The following ADAMTS6 variants were observed in gnomAD, a reference collection of about 807,000 sequenced individuals.
The protein encoded by ADAMTS6 is A disintegrin and metalloproteinase with thrombospondin motifs 6.
Under a neutral mutation model 144.3 loss-of-function variants are expected in ADAMTS6, and 23 were observed. The observed-to-expected ratio is 0.16, with a 90% CI of 0.11 to 0.23. ADAMTS6 has a LOEUF of 0.23. ADAMTS6 is among the 10% of genes least tolerant of loss of function. The probability of loss-of-function intolerance (pLI) is 1.00; values close to 1 mark genes in which losing one functional copy is unlikely to be tolerated. For synonymous variants in ADAMTS6, 444 were observed against 457.5 expected (o/e 0.97, Z 0.38); for missense variants, 999 against 1,379.6 (o/e 0.72, Z 4.37).
chr5:65,152,999 TACAG>T (rs1163623823), intron 24 of ADAMTS6, among the ~76,000 whole-genome samples: 3 of 152,308 alleles, frequency 2.0e-5, no homozygotes, highest in East Asian at 1.9e-4. Flanking sequence ...TGTTCAGTGT[TACAG>T]ACAGTTTTTG....
chr5:65,425,951 G>A (rs1218276449), intron 7 of ADAMTS6, among the ~76,000 whole-genome samples: 2 of 151,230 alleles, frequency 1.3e-5, no homozygotes, highest in Non-Finnish European at 2.9e-5. Flanking sequence ...TTTTAGTAGA[G>A]ACGGGATTTC....
chr5:65,215,332 T>C lies in ADAMTS6; in HGVS notation c.2428A>G (p.Ile810Val), dbSNP rs770059485. Reference sequence around the variant, plus strand: ...GGCAAAGACGCATTTACCATGACGATGAGATTTTCTGAGGTAGGACCTAGA... The same window carrying C: ...GGCAAAGACGCATTTACCATGACGACGAGATTTTCTGAGGTAGGACCTAGA... ...EALGPTSENL[I>V]VMVLLQEQNL... The change falls in exon 19 of 25, where the codon ATC becomes GTC. Residue 810 changes from isoleucine to valine, a missense_variant. By Grantham distance (29) the Ile-to-Val change is conservative. This residue lies in a region of ADAMTS6 where 619 missense variants were observed against 837.0 expected (regional missense o/e 0.74). Coordinates refer to ENST00000381055, the MANE Select transcript of ADAMTS6 (RefSeq NM_197941.4). 9 of 1,600,692 alleles carry C rather than the reference T, an allele frequency of 5.6e-6. No homozygotes were observed. The Admixed American group carries it at 1.3e-4, about 24-fold the overall frequency.
chr5:65,312,761 A>T (rs1234743554), intron 9 of ADAMTS6, among the ~76,000 whole-genome samples: 1 of 152,008 alleles, frequency 6.6e-6, no homozygotes, highest in Non-Finnish European at 1.5e-5. Context: ...TTCTGCTACT[A>T]CTTTACACAT....
At chr5:65,186,460 C>A (rs1252604309) in intron 22 of ADAMTS6, among the ~76,000 whole-genome samples, 1 of 152,170 alleles carries the variant, frequency 6.6e-6, no homozygotes, top group Non-Finnish European at 1.5e-5. Context: ...CTCAAACTTA[C>A]TGACTTGACC....
chr5:65,265,374 T>C (rs993724859), intron 12 of ADAMTS6, among the ~76,000 whole-genome samples: 1 of 152,086 alleles, frequency 6.6e-6, no homozygotes, highest in African/African-American at 2.4e-5. Flanking sequence ...ACTTAGCTAG[T>C]TGGTCTTGAA....
In ADAMTS6 at chr5:65,346,813, A is replaced by G. The variant is rs188915586; in HGVS notation, c.1074-12728T>C. ...AGTAAATACAGAAATAGACTCTACT[A>G]AAAAACTGTTAGAACTAATAACATA... On this transcript the variant is annotated intron_variant, in intron 7 of 24. Transcript: ENST00000381055. Among the ~76,000 whole-genome samples the G allele has an allele frequency of 8.3e-3, 1,268 of 151,930 alleles. 17 individuals carry two copies. The highest frequency in any genetic ancestry group is 0.029 in the African/African-American group (1,196 of 41,514).
rs1291950155 is a variant in ADAMTS6, at chr5:65,376,833, C to G, written c.1074-42748G>C. Among the ~76,000 whole-genome samples the G allele has an allele frequency of 2.7e-5, 4 of 150,598 alleles. No individual in the cohort carries two copies. The East Asian group carries it at 7.8e-4, about 29-fold the overall frequency. On this transcript the variant is annotated intron_variant, in intron 7 of 24. Transcript: ENST00000381055. ...CAGAAGACAGAGTGGGACCCTGTCT[C>G]AAAAAAATTAAAAAGCTAAAAAAAA... is the stretch of plus-strand genomic sequence containing the variant.
chr5:65,241,691 C>T lies in ADAMTS6; in HGVS notation c.1933+413G>A, dbSNP rs760173649. ...ATAATCTTGGCCTTTGACTAAGCAA[C>T]GACACAGAGTTTCCTGATTTATATT... On this transcript the variant is annotated intron_variant, in intron 15 of 24. Coordinates refer to ENST00000381055, the MANE Select transcript of ADAMTS6 (RefSeq NM_197941.4). Among the ~76,000 whole-genome samples, 73 of 152,192 alleles carry T rather than the reference C, an allele frequency of 4.8e-4. 1 individual carries two copies. Among genetic ancestry groups the T allele is most frequent in the Non-Finnish European group, 2.4e-4 (16 of 68,018 alleles).
chr5:65,325,492 CTT>C (rs1260973906), intron 9 of ADAMTS6, among the ~76,000 whole-genome samples: 234 of 141,692 alleles, frequency 1.7e-3, no homozygotes, highest in African/African-American at 5.4e-3. Flanking sequence ...TTCAATATAG[CTT>C]TTTTTTTTTT....
intron 7 of ADAMTS6, among the ~76,000 whole-genome samples, chr5:65,344,945 C>T (rs1357290555): frequency 6.6e-6 from 1 of 151,850 alleles, no homozygotes; most frequent in African/African-American, 2.4e-5. Context: ...TGTTTCCTAA[C>T]TGAGATTCCC....
intron 7 of ADAMTS6, among the ~76,000 whole-genome samples, chr5:65,374,697 C>T (rs1157014085): frequency 6.6e-6 from 1 of 152,090 alleles, no homozygotes; most frequent in Non-Finnish European, 1.5e-5. Flanking sequence ...ACGTAATTTA[C>T]AGATTCAATG....
chr5:65,225,760 C>A (rs1757677350), intron 16 of ADAMTS6, among the ~76,000 whole-genome samples: 1 of 152,160 alleles, frequency 6.6e-6, no homozygotes, highest in African/African-American at 2.4e-5. Flanking sequence ...TGAATAAGAG[C>A]TGAATCCTCA....
At chr5:65,169,672 G>A (rs1753473933) in intron 24 of ADAMTS6, among the ~76,000 whole-genome samples, 1 of 150,992 alleles carries the variant, frequency 6.6e-6, no homozygotes. Flanking sequence ...TTAAGAAAAT[G>A]TGGCACATAT....
intron 10 of ADAMTS6, chr5:65,297,123 C>T (rs1269122371): frequency 2.3e-6 from 1 of 436,016 alleles, no homozygotes; most frequent in African/African-American, 2.1e-5. Context: ...AAGCCGTCGC[C>T]GGAAAACATC....
At chr5:65,290,530 G>A (rs1046143788) in intron 11 of ADAMTS6, among the ~76,000 whole-genome samples, 8 of 151,090 alleles carry the variant, frequency 5.3e-5, no homozygotes, top group African/African-American at 9.7e-5. Flanking sequence ...CAGCCTGGGC[G>A]ACAGAGCGAG....
Position 65,467,039 on chromosome 5 carries a change from C to CAA in ADAMTS6, c.462+3737_462+3738dup, listed in dbSNP as rs35854972. Among the ~76,000 whole-genome samples the CAA allele has an allele frequency of 3.2e-3, 354 of 109,206 alleles. 1 individual carries two copies. The highest frequency in any genetic ancestry group is 9.0e-3 in the African/African-American group (299 of 33,362). The allele number at this position is 109,206 out of a possible 152,430, so 71.6% of individuals were successfully genotyped here. A position where few individuals can be genotyped will look rare whatever the true frequency, so the allele number is the denominator to read the frequency against. On this transcript the variant is annotated intron_variant, in intron 3 of 24. Transcript: ENST00000381055. Reference sequence around the variant, plus strand: ...CTGGGCGACAGAGCAGACTCCGTCTCAAAAAAAAAAAAAGGACAGAATGTA... The same window carrying CAA: ...CTGGGCGACAGAGCAGACTCCGTCTCAAAAAAAAAAAAAAAGGACAGAATGTA...
At chr5:65,314,962 G>C (rs1744850178) in intron 9 of ADAMTS6, among the ~76,000 whole-genome samples, 1 of 151,994 alleles carries the variant, frequency 6.6e-6, no homozygotes, top group African/African-American at 2.4e-5. Flanking sequence ...TTGTATCCTT[G>C]TATCAAAATA....
At chr5:65,447,256 A>G (rs1285725562) in intron 7 of ADAMTS6, among the ~76,000 whole-genome samples, 1 of 152,118 alleles carries the variant, frequency 6.6e-6, no homozygotes, top group Non-Finnish European at 1.5e-5. Context: ...CTTGTGGTGG[A>G]TATTTCCTGA....
intron 7 of ADAMTS6, among the ~76,000 whole-genome samples, chr5:65,349,851 CAAA>C (rs59275360): frequency 1.9e-5 from 2 of 107,684 alleles, no homozygotes; most frequent in Admixed American, 9.9e-5. Context: ...GAGACTGTCT[CAAA>C]AAAAAAAAAA....
Sources: allele counts gnomAD v4.1 joint callset (sites outside exome capture counted in the v4.1 genomes callset), GRCh38; gene constraint gnomAD v4.1.1; regional missense constraint gnomAD v4.1.1; transcripts MANE v1.5; gene names NCBI Gene and HGNC (gene_info 2026-07-23, HGNC 2026-07-21).